The following ERI3 variants were observed in gnomAD, a reference collection of about 807,000 sequenced individuals.
The protein encoded by ERI3 is ERI1 exoribonuclease family member 3, also known as ERI1 exoribonuclease 3.
In ERI3, 18 loss-of-function variants were observed where a neutral mutation model predicts 44.4. That is an observed-to-expected ratio of 0.41 (90% CI 0.28 to 0.60). ERI3 has a LOEUF of 0.60. ERI3 is among the 20% of genes least tolerant of loss of function. The pLI, the probability that ERI3 is intolerant of heterozygous loss-of-function variation, is 0.36. For synonymous variants in ERI3, 183 were observed against 164.8 expected (o/e 1.11, Z -0.84); for missense variants, 294 against 435.5 (o/e 0.68, Z 2.89).
At chr1:44,242,904 G>A (rs1377872069) in intron 8 of ERI3, among the ~76,000 whole-genome samples, 5 of 152,204 alleles carry the variant, frequency 3.3e-5, no homozygotes, top group African/African-American at 7.2e-5. Context: ...GGAGGAGGGC[G>A]GGCAGCCCAG....
chr1:44,349,797 A>G (rs1440780004), intron 2 of ERI3, among the ~76,000 whole-genome samples: 1 of 152,252 alleles, frequency 6.6e-6, no homozygotes, highest in East Asian at 1.9e-4. Context: ...AGCAAAGTGA[A>G]GCCCAGAGAG....
chr1:44,232,304 C>A (rs1219661206), intron 8 of ERI3, among the ~76,000 whole-genome samples: 1 of 152,082 alleles, frequency 6.6e-6, no homozygotes, highest in African/African-American at 2.4e-5. Flanking sequence ...AAGTTGGTAA[C>A]CGTTTTTTTC....
intron 6 of ERI3, among the ~76,000 whole-genome samples, chr1:44,296,760 C>T (rs1409532694): frequency 1.3e-5 from 2 of 152,232 alleles, no homozygotes; most frequent in African/African-American, 4.8e-5. Flanking sequence ...GTCCTAGCTA[C>T]CTGCCCAGAG....
At chr1:44,352,465 A>ATAG (rs1646915086) in intron 2 of ERI3, among the ~76,000 whole-genome samples, 4 of 149,424 alleles carry the variant, frequency 2.7e-5, no homozygotes, top group African/African-American at 9.9e-5. Flanking sequence ...TAGATAGATA[A>ATAG]ATGTTTAAAG....
At chr1:44,330,403 C>A (rs745570101) in intron 3 of ERI3, among the ~76,000 whole-genome samples, 3 of 152,176 alleles carry the variant, frequency 2.0e-5, no homozygotes, top group African/African-American at 7.2e-5. Context: ...TCCTTACTGG[C>A]CAACTACATG....
At chr1:44,319,510 T>G in intron 4 of ERI3, 118 bp downstream of exon 4, 1 of 686,874 alleles carries the variant, frequency 1.5e-6, no homozygotes, top group Non-Finnish European at 2.6e-6. Context: ...AGGTCTAGTG[T>G]GCACTTGCCT....
chr1:44,234,558 C>G (rs1644261556), intron 8 of ERI3, among the ~76,000 whole-genome samples: 1 of 151,910 alleles, frequency 6.6e-6, no homozygotes, highest in African/African-American at 2.4e-5. Context: ...ACTCGGGAGG[C>G]TGAGGCAGAA....
At chr1:44,342,441 G>C (rs143785325) in intron 2 of ERI3, among the ~76,000 whole-genome samples, 1 of 152,202 alleles carries the variant, frequency 6.6e-6, no homozygotes, top group East Asian at 1.9e-4. Flanking sequence ...TTAAAATATG[G>C]AAAGGGAGAA....
At chr1:44,231,387 T>C (rs1644180533) in intron 8 of ERI3, among the ~76,000 whole-genome samples, 1 of 152,202 alleles carries the variant, frequency 6.6e-6, no homozygotes, top group African/African-American at 2.4e-5. Context: ...CACTTCTTTT[T>C]CTTTGAGTTA....
intron 6 of ERI3, among the ~76,000 whole-genome samples, chr1:44,299,623 AG>A (rs1645682536): frequency 6.6e-6 from 1 of 152,176 alleles, no homozygotes; most frequent in Non-Finnish European, 1.5e-5. Flanking sequence ...TTGGGAAAAA[AG>A]GTCTTCCAGC....
chr1:44,257,216 A>AT (rs1017382011), intron 7 of ERI3, among the ~76,000 whole-genome samples: 16 of 152,020 alleles, frequency 1.1e-4, no homozygotes, highest in Non-Finnish European at 2.2e-4. Flanking sequence ...CATATCAGGG[A>AT]TTTTTTTTAA....
chr1:44,352,087 T>A (rs1276201457), intron 2 of ERI3, among the ~76,000 whole-genome samples: 1 of 152,184 alleles, frequency 6.6e-6, no homozygotes, highest in Non-Finnish European at 1.5e-5. Flanking sequence ...ACCACTACAA[T>A]CCCAGGAACT....
intron 6 of ERI3, among the ~76,000 whole-genome samples, chr1:44,288,124 C>A (rs1352827692): frequency 6.9e-6 from 1 of 144,552 alleles, no homozygotes; most frequent in Non-Finnish European, 1.5e-5. Context: ...GAAGACCTAT[C>A]CCAGAGGGGC....
chr1:44,327,221 A>G (rs1646334686), intron 3 of ERI3, among the ~76,000 whole-genome samples: 1 of 152,194 alleles, frequency 6.6e-6, no homozygotes, highest in Non-Finnish European at 1.5e-5. Flanking sequence ...ATCACTAAGG[A>G]AGGGCCTAGA....
chr1:44,265,919 G>T (rs1644982443), intron 7 of ERI3, among the ~76,000 whole-genome samples: 1 of 152,132 alleles, frequency 6.6e-6, no homozygotes, highest in African/African-American at 2.4e-5. Flanking sequence ...TTCTTTTAGT[G>T]GGGACAAAAA....
chr1:44,349,911 GT>G (rs1419933724), intron 2 of ERI3, among the ~76,000 whole-genome samples: 1 of 152,176 alleles, frequency 6.6e-6, no homozygotes, highest in Non-Finnish European at 1.5e-5. Context: ...GAAAGGGAAA[GT>G]GCAGACATGG....
intron 7 of ERI3, among the ~76,000 whole-genome samples, chr1:44,266,074 A>T (rs1419264301): frequency 6.6e-6 from 1 of 152,232 alleles, no homozygotes; most frequent in African/African-American, 2.4e-5. Context: ...CTGATCAAAG[A>T]AGTGCAAGAA....
chr1:44,296,889 A>G (rs1020450439), intron 6 of ERI3, among the ~76,000 whole-genome samples: 7 of 152,148 alleles, frequency 4.6e-5, no homozygotes, highest in Non-Finnish European at 8.8e-5. Flanking sequence ...GGAAGAAGAG[A>G]GTGTTTGAGT....
chr1:44,265,951 T>C (rs911429611), intron 7 of ERI3, among the ~76,000 whole-genome samples: 1 of 152,238 alleles, frequency 6.6e-6, no homozygotes, highest in Non-Finnish European at 1.5e-5. Flanking sequence ...ATGGTGATGA[T>C]GGTTGCACAA....
Sources: gnomAD v4.1 joint callset for allele counts (sites outside exome capture counted in the v4.1 genomes callset) on GRCh38, gnomAD v4.1.1 for gene constraint, MANE v1.5 for transcripts, NCBI Gene and HGNC (gene_info 2026-07-23, HGNC 2026-07-21) for gene names.